FERMT2: variants seen among roughly 807,000 people sequenced by gnomAD.
The protein encoded by FERMT2 is FERM domain containing kindlin 2, also known as fermitin family homolog 2.
Under a neutral mutation model 82.7 loss-of-function variants are expected in FERMT2, and 15 were observed. That is an observed-to-expected ratio of 0.18 (90% CI 0.12 to 0.28). The LOEUF (loss-of-function observed/expected upper bound fraction) is 0.28. FERMT2 is among the 10% of genes least tolerant of loss of function. The pLI is 1.00. For missense variants in FERMT2, 645 were observed against 809.4 expected, an observed-to-expected ratio of 0.80 and a Z score of 2.46; for synonymous variants, 274 against 271.5, an observed-to-expected ratio of 1.01 and a Z score of -0.09.
intron 9 of FERMT2, 129 bp from the exon 10 acceptor site, chr14:52,873,052 T>C: frequency 1.2e-6 from 1 of 842,864 alleles, no homozygotes; most frequent in Non-Finnish European, 1.9e-6. Context: ...TGATCCCCCT[T>C]GGTCAGCGTC....
chr14:52,880,268 G>A (rs890659678), intron 6 of FERMT2, among the ~76,000 whole-genome samples: 3 of 152,012 alleles, frequency 2.0e-5, no homozygotes, highest in Non-Finnish European at 4.4e-5. Flanking sequence ...AGAAAAAAAC[G>A]TTTTTTTGAA....
intron 3 of FERMT2, among the ~76,000 whole-genome samples, chr14:52,915,027 T>G (rs1888541820): frequency 6.6e-6 from 1 of 152,056 alleles, no homozygotes; most frequent in African/African-American, 2.4e-5. Context: ...GTATCAGATA[T>G]TAGATTATAA....
chr14:52,931,746 G>A (rs777280986), intron 2 of FERMT2, among the ~76,000 whole-genome samples: 60 of 152,298 alleles, frequency 3.9e-4, no homozygotes, highest in Admixed American at 8.5e-4. Context: ...AATGTTAAAA[G>A]GGGCGGGCGC....
At position 52,881,109 on chromosome 14, in the gene FERMT2, T is replaced by C; in HGVS notation, c.782A>G (p.Glu261Gly). Residue 261 changes from glutamate to glycine, a missense_variant, in exon 6 of 15, where the codon GAA becomes GGA. Glu to Gly is a moderately conservative substitution (Grantham distance 98, BLOSUM62 -2). Coordinates refer to ENST00000341590, the MANE Select transcript of FERMT2 (RefSeq NM_006832.3). ...GWLDSSRSLM[E>G]QDVKENEALL... is the part of the protein sequence containing the mutation. ...GGCCTCATTTTCCTTCACATCTTGT[T>C]CCATGAGAGATCTTGAGGAATCAAG... 1.2e-6 allele frequency: 2 copies of C among 1,613,618 alleles called. No homozygotes were observed. Among genetic ancestry groups the C allele is most frequent in the Non-Finnish European group, 1.7e-6 (2 of 1,179,798 alleles).
chr14:52,917,965 G>A (rs1888710425), intron 3 of FERMT2, among the ~76,000 whole-genome samples: 1 of 152,182 alleles, frequency 6.6e-6, no homozygotes, highest in African/African-American at 2.4e-5. Context: ...GTGAGTGTGG[G>A]TGCTGACACC....
At chr14:52,882,875 G>A (rs541947361) in intron 4 of FERMT2, among the ~76,000 whole-genome samples, 27 of 152,130 alleles carry the variant, frequency 1.8e-4, no homozygotes, top group African/African-American at 6.3e-4. Context: ...CCTGACATGT[G>A]TTCTTCCAAT....
chr14:52,935,931 T>A (rs1889816429), intron 2 of FERMT2, among the ~76,000 whole-genome samples: 1 of 152,192 alleles, frequency 6.6e-6, no homozygotes, highest in Non-Finnish European at 1.5e-5. Flanking sequence ...TCAGATCACA[T>A]AAGCCATGCA....
chr14:52,899,202 T>C (rs919651326), intron 3 of FERMT2, among the ~76,000 whole-genome samples: 2 of 152,192 alleles, frequency 1.3e-5, no homozygotes, highest in South Asian at 2.1e-4. Context: ...GCTGGGACCA[T>C]ATCCCCAGAT....
At chr14:52,876,065 C>A (rs540122141) in intron 7 of FERMT2, among the ~76,000 whole-genome samples, 4 of 152,210 alleles carry the variant, frequency 2.6e-5, no homozygotes, top group Non-Finnish European at 2.9e-5. Context: ...TTATGTTAAG[C>A]CTTAGGTTTT....
chr14:52,928,278 C>A (rs1166408506), intron 2 of FERMT2: 1 of 199,216 alleles, frequency 5.0e-6, no homozygotes, highest in East Asian at 1.1e-4. Context: ...TTTCTGGGCA[C>A]GTGACTTATT....
intron 3 of FERMT2, among the ~76,000 whole-genome samples, chr14:52,897,727 A>G (rs1887370910): frequency 1.3e-5 from 2 of 152,194 alleles, no homozygotes; most frequent in Non-Finnish European, 2.9e-5. Flanking sequence ...CTGTAATCCC[A>G]GCACTTTGGG....
intron 4 of FERMT2, among the ~76,000 whole-genome samples, chr14:52,885,958 T>A (rs1299301776): frequency 9.0e-5 from 13 of 144,624 alleles, no homozygotes; most frequent in Admixed American, 3.5e-4. Flanking sequence ...AATATGGTTT[T>A]AAAAAAAAAA....
intron 10 of FERMT2, among the ~76,000 whole-genome samples, chr14:52,868,910 G>A (rs753017365): frequency 1.3e-5 from 2 of 152,236 alleles, no homozygotes; most frequent in Non-Finnish European, 2.9e-5. Context: ...TGCCTGTGAT[G>A]AGTGCAATGA....
At chr14:52,940,580 C>T (rs17125962) in intron 2 of FERMT2, among the ~76,000 whole-genome samples, 1 of 152,104 alleles carries the variant, frequency 6.6e-6, no homozygotes, top group Non-Finnish European at 1.5e-5. Flanking sequence ...GTTTATGTAT[C>T]TTCTACTTTA....
chr14:52,922,996 AT>A (rs1889047917), intron 2 of FERMT2, among the ~76,000 whole-genome samples: 1 of 152,178 alleles, frequency 6.6e-6, no homozygotes, highest in Non-Finnish European at 1.5e-5. Flanking sequence ...TGGCCTCTTG[AT>A]TCTAGGATAC....
At chr14:52,920,999 GC>G (rs779282218) in intron 2 of FERMT2, among the ~76,000 whole-genome samples, 13 of 152,018 alleles carry the variant, frequency 8.6e-5, no homozygotes, top group African/African-American at 3.1e-4. Flanking sequence ...AAACTATCAT[GC>G]TTCTGAGATA....
intron 2 of FERMT2, among the ~76,000 whole-genome samples, chr14:52,922,183 A>G (rs1888992152): frequency 6.6e-6 from 1 of 152,212 alleles, no homozygotes. Context: ...CCTGCAGTTC[A>G]GTCCTTCAGG....
chr14:52,858,521 T>G lies in FERMT2; in HGVS notation c.1899A>C (p.Arg633=), dbSNP rs1183154105. Residue 633 remains arginine, a synonymous_variant, in exon 15 of 15, where the codon CGA becomes CGC. Coordinates refer to ENST00000341590, the MANE Select transcript of FERMT2 (RefSeq NM_006832.3). ...MVTVEFADEV[R]LSFICTEVDC... is the part of the protein sequence containing the mutation. ...CTACTTCAGTACAAATGAAGGACAA[T>G]CGTACTTCATCTGCAAACTCTACGG... 1 of 1,614,048 alleles carries G rather than the reference T, an allele frequency of 6.2e-7. No individual in the cohort carries two copies. Among genetic ancestry groups the G allele is most frequent in the Non-Finnish European group, 8.5e-7 (1 of 1,179,974 alleles).
intron 2 of FERMT2, among the ~76,000 whole-genome samples, chr14:52,931,081 C>G (rs1192802730): frequency 6.6e-6 from 1 of 152,102 alleles, no homozygotes; most frequent in African/African-American, 2.4e-5. Flanking sequence ...AGGAGGCAAA[C>G]AGATGAAGAG....
Sources: allele counts gnomAD v4.1 joint callset (sites outside exome capture counted in the v4.1 genomes callset), GRCh38; gene constraint gnomAD v4.1.1; transcripts MANE v1.5; gene names NCBI Gene and HGNC (gene_info 2026-07-23, HGNC 2026-07-21).